The following NEGR1 variants were observed in gnomAD, a reference collection of about 807,000 sequenced individuals.
NEGR1 encodes IgLON family member 4.
NEGR1 carries 10 observed loss-of-function variants against 40.9 expected under a neutral mutation model. That is an observed-to-expected ratio of 0.24 (90% CI 0.15 to 0.42). The LOEUF (loss-of-function observed/expected upper bound fraction) is 0.42, where lower values mean the gene tolerates loss of function less well. NEGR1 is among the 10% of genes least tolerant of loss of function. The pLI, the probability that NEGR1 is intolerant of heterozygous loss-of-function variation, is 1.00. For synonymous variants in NEGR1, 185 were observed against 166.8 expected, an observed-to-expected ratio of 1.11 and a Z score of -0.84; for missense variants, 352 against 438.9, an observed-to-expected ratio of 0.80 and a Z score of 1.77.
chr1:71,773,813 G>A lies in NEGR1; in HGVS notation c.535+2359C>T, dbSNP rs574230067. 3.3e-5 allele frequency among the ~76,000 whole-genome samples: 5 copies of A among 152,190 alleles called. No homozygotes were observed. In the South Asian group the frequency reaches 8.3e-4, roughly 25 times the overall value. ...TATAAACCCAATCTGTCTTCTTTCA[G>A]TTTCATGATGTTATCCGTTATCATT... is the stretch of plus-strand genomic sequence containing the variant. On this transcript the variant is annotated intron_variant, in intron 3 of 6. Coordinates refer to ENST00000357731, the MANE Select transcript of NEGR1 (RefSeq NM_173808.3).
At position 72,238,738 on chromosome 1, in the gene NEGR1, T is replaced by A. The variant is rs1027510588; in HGVS notation, c.176+43581A>T. 2.0e-5 allele frequency among the ~76,000 whole-genome samples: 3 copies of A among 151,894 alleles called. No homozygotes were observed. The East Asian group carries it at 5.8e-4, about 29-fold the overall frequency. The stretch of plus-strand genomic sequence containing the variant: ...TCAACTGGAATAATCACTCATGGGC[T>A]TCTCCTCCCACTCTTCCTAAAAAGC... On this transcript the variant is annotated intron_variant, in intron 1 of 6. Coordinates refer to ENST00000357731, the MANE Select transcript of NEGR1 (RefSeq NM_173808.3).
intron 1 of NEGR1, among the ~76,000 whole-genome samples, chr1:72,229,172 A>G (rs1042226222): frequency 1.3e-5 from 2 of 151,794 alleles, no homozygotes; most frequent in African/African-American, 2.4e-5. Context: ...TAGTTTCCCA[A>G]CTCCATTTGT....
chr1:71,917,232 A>C (rs912119672), intron 2 of NEGR1, among the ~76,000 whole-genome samples: 5 of 152,194 alleles, frequency 3.3e-5, no homozygotes, highest in Non-Finnish European at 4.4e-5. Flanking sequence ...TACCGAATTA[A>C]ATTGTTATAT....
At chr1:72,096,207 G>T (rs2821252) in intron 1 of NEGR1, among the ~76,000 whole-genome samples, 146,905 of 152,284 alleles carry the variant, frequency 0.96, 70,937 homozygotes, top group East Asian at 1. Flanking sequence ...TGAACTTCAT[G>T]TCATTTTAAA....
chr1:72,250,423 T>A (rs1655048230), intron 1 of NEGR1, among the ~76,000 whole-genome samples: 1 of 152,260 alleles, frequency 6.6e-6, no homozygotes, highest in South Asian at 2.1e-4. Flanking sequence ...TATGATATAA[T>A]ATGTTAGGAA....
chr1:72,266,763 A>ACACC (rs1237603763), intron 1 of NEGR1, among the ~76,000 whole-genome samples: 2 of 148,618 alleles, frequency 1.3e-5, no homozygotes, highest in Non-Finnish European at 3.0e-5. Context: ...ACACACACAC[A>ACACC]CCAATTTGGA....
intron 1 of NEGR1, among the ~76,000 whole-genome samples, chr1:72,058,852 C>T (rs1419276543): frequency 6.6e-6 from 1 of 151,592 alleles, no homozygotes; most frequent in Non-Finnish European, 1.5e-5. Context: ...TAATTCCTTT[C>T]ATGCACTTTT....
At chr1:71,559,776 T>C (rs181349413) in intron 6 of NEGR1, among the ~76,000 whole-genome samples, 135 of 151,414 alleles carry the variant, frequency 8.9e-4, no homozygotes, top group Non-Finnish European at 1.6e-3. Context: ...CAGAACACCA[T>C]CAACTGCATA....
At chr1:71,860,800 C>T (rs1334229982) in intron 2 of NEGR1, among the ~76,000 whole-genome samples, 3 of 151,836 alleles carry the variant, frequency 2.0e-5, no homozygotes, top group African/African-American at 4.8e-5. Flanking sequence ...AAATCCTTAC[C>T]CAGAAAGGAT....
intron 6 of NEGR1, chr1:71,472,515 C>T (rs1569915022): frequency 3.3e-5 from 5 of 152,166 alleles, no homozygotes; most frequent in Middle Eastern, 6.8e-3. Flanking sequence ...CTTAGTACTC[C>T]AAGATATTTT....
chr1:71,876,524 AAGAG>A (rs1443919099), intron 2 of NEGR1, among the ~76,000 whole-genome samples: 2 of 150,466 alleles, frequency 1.3e-5, no homozygotes, highest in Non-Finnish European at 3.0e-5. Flanking sequence ...AGGAAGAAAG[AAGAG>A]AGAGAGAGAG....
chr1:71,632,527 T>A (rs1010447936), intron 4 of NEGR1, among the ~76,000 whole-genome samples: 1 of 150,848 alleles, frequency 6.6e-6, no homozygotes, highest in African/African-American at 2.4e-5. Context: ...AATGATTGCA[T>A]AAACTATTAT....
intron 1 of NEGR1, among the ~76,000 whole-genome samples, chr1:72,012,074 AG>A (rs1646661975): frequency 1.3e-5 from 2 of 152,164 alleles, no homozygotes. Flanking sequence ...AACTGTGGAC[AG>A]GTAGAACAAT....
At chr1:72,108,559 T>A (rs72680902) in intron 1 of NEGR1, among the ~76,000 whole-genome samples, 1 of 151,736 alleles carries the variant, frequency 6.6e-6, no homozygotes, top group Non-Finnish European at 1.5e-5. Context: ...ATAAAATAAA[T>A]ATATCATTGC....
chr1:72,244,910 A>G (rs1009882673), intron 1 of NEGR1, among the ~76,000 whole-genome samples: 1 of 152,034 alleles, frequency 6.6e-6, no homozygotes, highest in Non-Finnish European at 1.5e-5. Context: ...TCTGAGGAAC[A>G]CCACATAGTG....
chr1:71,699,841 TA>T (rs1344525723), intron 3 of NEGR1, among the ~76,000 whole-genome samples: 1 of 151,846 alleles, frequency 6.6e-6, no homozygotes, highest in Non-Finnish European at 1.5e-5. Flanking sequence ...GCTAGTCTCA[TA>T]ATAGTGAATA....
At chr1:71,698,766 T>C (rs1326367425) in intron 3 of NEGR1, among the ~76,000 whole-genome samples, 1 of 151,862 alleles carries the variant, frequency 6.6e-6, no homozygotes, top group East Asian at 1.9e-4. Flanking sequence ...AAAAGCAAAC[T>C]AAATTATCTT....
chr1:72,278,209 C>T (rs576168082), intron 1 of NEGR1, among the ~76,000 whole-genome samples: 1 of 152,156 alleles, frequency 6.6e-6, no homozygotes, highest in African/African-American at 2.4e-5. Context: ...TTGTGTTTAA[C>T]TCTGCTAAAG....
rs188657669 is a variant in NEGR1, at chr1:72,179,853, A to T, written c.176+102466T>A. Among the ~76,000 whole-genome samples the T allele has an allele frequency of 2.0e-5, 3 of 152,202 alleles. No individual in the cohort carries two copies. In the East Asian group the frequency reaches 5.8e-4, roughly 29 times the overall value. On this transcript the variant is annotated intron_variant, in intron 1 of 6. Transcript: ENST00000357731. ...GGAAGTGAAATACCTGCACACTGAA[A>T]ACTATAAAACATTGATGAAAGACAT...
Sources: gnomAD v4.1 joint callset for allele counts (sites outside exome capture counted in the v4.1 genomes callset) on GRCh38, gnomAD v4.1.1 for gene constraint, MANE v1.5 for transcripts, NCBI Gene and HGNC (gene_info 2026-07-23, HGNC 2026-07-21) for gene names.